PKD1L3: variants seen among roughly 807,000 people sequenced by gnomAD.
The protein encoded by PKD1L3 is polycystin 1 like 3, transient receptor potential channel interacting.
A neutral mutation model predicts 184.1 loss-of-function variants in PKD1L3; 239 were observed. The observed-to-expected ratio is 1.30, with a 90% confidence interval of 1.17 to 1.45. The LOEUF (loss-of-function observed/expected upper bound fraction) is 1.45, where lower values mean the gene tolerates loss of function less well. Ranked by LOEUF, PKD1L3 falls within the 40% of genes most tolerant of loss-of-function variation. The pLI is 0.00. For synonymous variants in PKD1L3, 996 were observed against 778.8 expected (o/e 1.28, Z -4.64); for missense variants, 2,660 against 2,067.2 (o/e 1.29, Z -5.56).
In PKD1L3 at chr16:71,949,891, A is replaced by G. The variant is rs762555849; in HGVS notation, c.3510T>C (p.Phe1170=). 6.4e-7 allele frequency: 1 copy of G among 1,551,694 alleles called. No homozygotes were observed. The highest frequency in any genetic ancestry group is 8.7e-7 in the Non-Finnish European group (1 of 1,146,996). ...LLGFTSLASA[F]FTALYSLELS... is the part of the protein sequence containing the mutation. ...ATTCCAAGCTATAAAGTGCTGTAAA[A>G]AAGGCTGAAGCCAGGCTAGTGAAAC... Residue 1170 remains phenylalanine, a synonymous_variant, in exon 21 of 30, where the codon TTT becomes TTC. Coordinates refer to ENST00000620267, the MANE Select transcript of PKD1L3 (RefSeq NM_181536.2).
chr16:71,976,229 G>C (rs1199777231), intron 11 of PKD1L3, among the ~76,000 whole-genome samples: 1 of 143,290 alleles, frequency 7.0e-6, no homozygotes, highest in Non-Finnish European at 1.5e-5. Context: ...ATTACAGTGG[G>C]ATTTCAGGCA....
intron 24 of PKD1L3, among the ~76,000 whole-genome samples, chr16:71,939,310 G>C (rs980959567): frequency 6.6e-6 from 1 of 152,196 alleles, no homozygotes; most frequent in African/African-American, 2.4e-5. Flanking sequence ...CTCTTGGCAG[G>C]TGTGGGATCC....
chr16:71,962,090 A>T (rs34101687), intron 16 of PKD1L3, among the ~76,000 whole-genome samples: 29,414 of 139,220 alleles, frequency 0.21, 3,544 homozygotes, highest in Non-Finnish European at 0.29. Flanking sequence ...AAGTCTGGCT[A>T]ATTTTTGTAC....
chr16:71,972,743 C>G (rs1212567146), intron 12 of PKD1L3, among the ~76,000 whole-genome samples: 1 of 152,160 alleles, frequency 6.6e-6, no homozygotes. Context: ...TTTCTCAGCT[C>G]TTTTTAGAAC....
rs1474358907 is a variant in PKD1L3, at chr16:71,979,807, T to C, written c.1377A>G (p.Lys459=). 4.0e-6 allele frequency: 6 copies of C among 1,508,946 alleles called. No homozygotes were observed. Among genetic ancestry groups the C allele is most frequent in the Middle Eastern group, 1.7e-4 (1 of 5,790 alleles). 93.5% of individuals were successfully genotyped at this position (1,508,946 alleles called of 1,614,324 possible). Reference sequence around the variant, plus strand: ...TCACTTGGACATTAACTCCTGGATGTTTATTCAAGAGCTCCTTCAAAGCTA... The same window carrying C: ...TCACTTGGACATTAACTCCTGGATGCTTATTCAAGAGCTCCTTCAAAGCTA... ...SALALKELLN[K]HPGVNVQITG... The change falls in exon 9 of 30, where the codon AAA becomes AAG. Residue 459 remains lysine, a synonymous_variant. Coordinates refer to ENST00000620267, the MANE Select transcript of PKD1L3 (RefSeq NM_181536.2).
At chr16:71,976,620 A>T (rs2039934692) in intron 11 of PKD1L3, among the ~76,000 whole-genome samples, 1 of 152,062 alleles carries the variant, frequency 6.6e-6, no homozygotes, top group Admixed American at 6.6e-5. Flanking sequence ...AAATTTTTTT[A>T]AAAAAGAAAA....
chr16:71,950,539 T>C (rs977353036), intron 19 of PKD1L3, among the ~76,000 whole-genome samples: 3 of 152,112 alleles, frequency 2.0e-5, no homozygotes, highest in Non-Finnish European at 2.9e-5. Flanking sequence ...TAAAACCTTA[T>C]TGAGTTCTTC....
chr16:71,994,964 G>A (rs1171402552), intron 2 of PKD1L3, among the ~76,000 whole-genome samples: 2 of 152,042 alleles, frequency 1.3e-5, no homozygotes, highest in East Asian at 3.9e-4. Flanking sequence ...CTCCAGCCTG[G>A]GCAACAAGAG....
At position 71,942,964 on chromosome 16, in the gene PKD1L3, C is replaced by T; in HGVS notation, c.3920G>A (p.Arg1307Lys). Residue 1307 changes from arginine to lysine, a missense_variant, in exon 24 of 30, where the codon AGA (arginine) becomes AAA (lysine). By Grantham distance (26) the Arg-to-Lys change is conservative (BLOSUM62 2). Transcript: ENST00000620267. ...TAIYSAKNSN[R>K]FYLHQAIWKT... ...CCAGATAGCTTGGTGGAGGTAAAAT[C>T]TATTGGAGTTCTTTGCAGAGTAGAT... 1 of 1,551,484 alleles carries T rather than the reference C, an allele frequency of 6.4e-7. No individual in the cohort carries two copies.
At position 71,932,089 on chromosome 16, in the gene PKD1L3, T is replaced by A. The variant is rs190405242; in HGVS notation, c.4926+1331A>T. Among the ~76,000 whole-genome samples, 112 of 152,360 alleles carry A rather than the reference T, an allele frequency of 7.4e-4. 4 individuals carry two copies. The East Asian group carries it at 0.02, about 27-fold the overall frequency. On this transcript the variant is annotated intron_variant, in intron 28 of 29. Coordinates refer to ENST00000620267, the MANE Select transcript of PKD1L3 (RefSeq NM_181536.2). The stretch of plus-strand genomic sequence containing the variant: ...GTGTGTTATATTTTATTGTTACCTT[T>A]CAAATATTTTCATTCTGGGATTGGT...
In PKD1L3 at chr16:71,978,298, T is replaced by G. The variant is rs780941264; in HGVS notation, c.1484A>C (p.Asn495Thr). The change falls in exon 10 of 30, where the codon AAT becomes ACT. Residue 495 changes from asparagine to threonine, a missense_variant. Transcript: ENST00000620267. ...GSIGSVLLSA[N>T]RKLLQVHDLM... Reference sequence around the variant, plus strand: ...ATCATGGACTTGGAGCAATTTACGATTAGCGCTTAGTAACACACTTCCAAT... The same window carrying G: ...ATCATGGACTTGGAGCAATTTACGAGTAGCGCTTAGTAACACACTTCCAAT... 1 of 1,550,520 alleles carries G rather than the reference T, an allele frequency of 6.4e-7. No homozygotes were observed. The highest frequency in any genetic ancestry group is 1.2e-5 in the South Asian group (1 of 84,046).
intron 16 of PKD1L3, among the ~76,000 whole-genome samples, chr16:71,958,130 G>A (rs989162277): frequency 6.6e-6 from 1 of 151,976 alleles, no homozygotes; most frequent in Non-Finnish European, 1.5e-5. Flanking sequence ...GCTCACGCCT[G>A]TAATCCCAGC....
intron 3 of PKD1L3, chr16:71,991,216 T>G (rs1228360253): frequency 1.3e-5 from 3 of 224,116 alleles, no homozygotes; most frequent in Admixed American, 1.3e-4. Context: ...TTATCACCGG[T>G]TTCATCCGAA....
chr16:71,982,191 G>A lies in PKD1L3; in HGVS notation c.1011C>T (p.Leu337=). The A allele has an allele frequency of 6.5e-7, 1 of 1,548,540 alleles. No homozygotes were observed. Among genetic ancestry groups the A allele is most frequent in the Non-Finnish European group, 8.7e-7 (1 of 1,145,414 alleles). Residue 337 remains leucine (L), a synonymous_variant, in exon 7 of 30, where the codon CTC becomes CTT. Coordinates refer to ENST00000620267, the MANE Select transcript of PKD1L3 (RefSeq NM_181536.2). ...NSLIYLSEEL[L]RIPFQNNNSL... The stretch of plus-strand genomic sequence containing the variant: ...TGTTGTTGTTCTGAAATGGGATCCT[G>A]AGTAACTCCTCACTCAGGTAAATAA...
Position 71,930,171 on chromosome 16 carries a change from C to G in PKD1L3, c.4939G>C (p.Asp1647His). Residue 1647 changes from aspartate to histidine, a missense_variant, in exon 29 of 30, where the codon GAC (aspartate) becomes CAC (histidine). Asp to His is a moderately conservative substitution (Grantham distance 81). Transcript: ENST00000620267. The part of the protein sequence containing the change: ...ISHQEEVFAL[D>H]PVLGTFLILT... ...ATCAGAAAGGTGCCCAGGACTGGGT[C>G]TAAAGCGAAAACCTGGGAAAACAAT... 6.5e-7 allele frequency: 1 copy of G among 1,541,970 alleles called. No homozygotes were observed. The highest frequency in any genetic ancestry group is 1.4e-5 in the African/African-American group (1 of 72,418).
In PKD1L3 at chr16:71,967,260, T is replaced by A; in HGVS notation, c.2342A>T (p.Asp781Val). 1 of 1,551,478 alleles carries A rather than the reference T, an allele frequency of 6.4e-7. No individual in the cohort carries two copies. Residue 781 changes from aspartate to valine, a missense_variant, in exon 15 of 30, where the codon GAC becomes GTC. By Grantham distance (152) the Asp-to-Val change is radical. Coordinates refer to ENST00000620267, the MANE Select transcript of PKD1L3 (RefSeq NM_181536.2). The part of the protein sequence containing the change: ...EGRSEPHHLC[D>V]PQKTVFERGG... ...TCGTTCAAAGACTGTCTTCTGGGGG[T>A]CACAGAGGTGATGGGGCTCACTCCG...
chr16:71,974,890 G>T (rs994763149), intron 11 of PKD1L3, among the ~76,000 whole-genome samples: 1 of 150,806 alleles, frequency 6.6e-6, no homozygotes, highest in Admixed American at 6.7e-5. Context: ...ATGGAAGGTG[G>T]TCATGACGGG....
chr16:71,964,451 G>A (rs2039417121), intron 15 of PKD1L3, among the ~76,000 whole-genome samples: 1 of 147,370 alleles, frequency 6.8e-6, no homozygotes. Context: ...CAATTCTCCT[G>A]CCTCAGCCTC....
rs925293530 is a variant in PKD1L3 at position 71,967,375 on chromosome 16, T to A, written c.2287-60A>T. ...ATTTTAACACAATTCTTTGGGTTTA[T>A]CCCTAAGGAGAAAGACGAAGACATA... is the stretch of plus-strand genomic sequence containing the variant. On this transcript the variant is annotated intron_variant, in intron 14 of 29. Coordinates refer to ENST00000620267, the MANE Select transcript of PKD1L3 (RefSeq NM_181536.2). The A allele has an allele frequency of 5.5e-6, 8 of 1,452,504 alleles. No individual in the cohort carries two copies. In the African/African-American group the frequency reaches 5.7e-5, roughly 10 times the overall value. The allele number at this position is 1,452,504 out of a possible 1,614,324, so 90.0% of individuals were successfully genotyped here.
Sources: allele counts gnomAD v4.1 joint callset (sites outside exome capture counted in the v4.1 genomes callset), GRCh38; gene constraint gnomAD v4.1.1; transcripts MANE v1.5; gene names NCBI Gene and HGNC (gene_info 2026-07-23, HGNC 2026-07-21).